MYO5B: variants seen among roughly 807,000 people sequenced by gnomAD.
MYO5B encodes the protein myosin VB, also known as unconventional myosin-Vb.
Under a neutral mutation model 229.3 loss-of-function variants are expected in MYO5B, and 143 were observed. That is an observed-to-expected ratio of 0.62 (90% CI 0.54 to 0.72). MYO5B has a LOEUF of 0.72. MYO5B is among the 30% of genes least tolerant of loss of function. MYO5B has a pLI of 0.00. For synonymous variants in MYO5B, 918 were observed against 885.2 expected (o/e 1.04, Z -0.66); for missense variants, 2,321 against 2,331.0 (o/e 1.00, Z 0.09).
intron 2 of MYO5B, among the ~76,000 whole-genome samples, chr18:50,047,243 G>GA (rs1568085166): frequency 2.7e-5 from 4 of 147,344 alleles, no homozygotes; most frequent in Admixed American, 1.3e-4. Context: ...AAATTTACAA[G>GA]AAAAAAACAA....
chr18:50,148,827 T>C (rs1465755291), intron 1 of MYO5B, among the ~76,000 whole-genome samples: 1 of 152,080 alleles, frequency 6.6e-6, no homozygotes, highest in African/African-American at 2.4e-5. Context: ...TTGGAAGTTC[T>C]AGCCAGGGCA....
At chr18:49,880,223 A>G in intron 23 of MYO5B, 148 bp downstream of exon 23, 1 of 754,116 alleles carries the variant, frequency 1.3e-6, no homozygotes, top group Non-Finnish European at 2.4e-6. Context: ...GGGATCTTAA[A>G]GGTCATTATT....
chr18:49,829,932 A>G (rs2023893444), intron 39 of MYO5B, among the ~76,000 whole-genome samples: 1 of 152,216 alleles, frequency 6.6e-6, no homozygotes, highest in Non-Finnish European at 1.5e-5. Context: ...GATGAAGACC[A>G]TATGTAAAAA....
chr18:50,144,857 C>A (rs1035934012), intron 1 of MYO5B, among the ~76,000 whole-genome samples: 6 of 152,290 alleles, frequency 3.9e-5, no homozygotes, highest in Admixed American at 2.6e-4. Flanking sequence ...CCACCCCTCC[C>A]CCAGATCACT....
intron 22 of MYO5B, among the ~76,000 whole-genome samples, chr18:49,886,101 G>A (rs189495092): frequency 5.7e-4 from 86 of 152,120 alleles, no homozygotes; most frequent in African/African-American, 1.9e-3. Context: ...CAACATGCCC[G>A]GCTAATTTTT....
chr18:49,849,542 AAC>A (rs1245962179), intron 32 of MYO5B, 23 bp downstream of exon 32: 4 of 1,551,340 alleles, frequency 2.6e-6, no homozygotes, highest in Non-Finnish European at 3.6e-6. Context: ...TGATTCACAA[AAC>A]ACACTCACTC....
intron 21 of MYO5B, among the ~76,000 whole-genome samples, chr18:49,899,761 T>C (rs1480978824): frequency 6.6e-6 from 1 of 152,208 alleles, no homozygotes; most frequent in African/African-American, 2.4e-5. Flanking sequence ...ACAGCGTGCC[T>C]AGTCAGGTAG....
At chr18:50,151,972 C>T (rs1286617210) in intron 1 of MYO5B, among the ~76,000 whole-genome samples, 2 of 152,170 alleles carry the variant, frequency 1.3e-5, no homozygotes, top group African/African-American at 4.8e-5. Flanking sequence ...GGGGAACATC[C>T]GCCCCGTTCA....
In MYO5B at chr18:49,960,795, A is replaced by G. The variant is rs539730739; in HGVS notation, c.1545+1471T>C. 3.3e-5 allele frequency among the ~76,000 whole-genome samples: 5 copies of G among 152,340 alleles called. No homozygotes were observed. In the South Asian group the frequency reaches 8.3e-4, roughly 25 times the overall value. On this transcript the variant is annotated intron_variant, in intron 12 of 39. Transcript: ENST00000285039. ...TCTAGCCCCCACCAGCCTGATTGGCAGGAAACCCAGGCTTTCCACAAACCT... is the reference window on the plus strand; with the variant it reads ...TCTAGCCCCCACCAGCCTGATTGGCGGGAAACCCAGGCTTTCCACAAACCT...
At chr18:49,863,135 G>A (rs1466563661) in intron 29 of MYO5B, 92 bp downstream of exon 29, 3 of 925,802 alleles carry the variant, frequency 3.2e-6, no homozygotes, top group African/African-American at 3.2e-5. Flanking sequence ...CTGAGCACAT[G>A]GTCATCACCT....
chr18:49,880,609 G>A (rs1178299246), intron 22 of MYO5B, 154 bp from the exon 23 acceptor site: 4 of 697,188 alleles, frequency 5.7e-6, no homozygotes, highest in Non-Finnish European at 1.0e-5. Context: ...GAAAAATTGT[G>A]TACTGAAAGA....
intron 4 of MYO5B, among the ~76,000 whole-genome samples, chr18:50,016,298 T>C (rs2026214653): frequency 6.6e-6 from 1 of 152,202 alleles, no homozygotes; most frequent in Non-Finnish European, 1.5e-5. Flanking sequence ...GTGAACCCAA[T>C]TCCTAAGGGT....
At chr18:49,954,730 A>G (rs1183168584) in intron 12 of MYO5B, among the ~76,000 whole-genome samples, 1 of 152,200 alleles carries the variant, frequency 6.6e-6, no homozygotes, top group Non-Finnish European at 1.5e-5. Context: ...CCAAGGTCAC[A>G]GGAGCAGAGT....
In MYO5B at chr18:50,083,827, C is replaced by T. The variant is rs1033574718; in HGVS notation, c.28-28449G>A. Among the ~76,000 whole-genome samples, 5 of 152,174 alleles carry T rather than the reference C, an allele frequency of 3.3e-5. No homozygotes were observed. In the East Asian group the frequency reaches 9.6e-4, roughly 29 times the overall value. ...CCTGATACCCAAGATAACCAGGGAT[C>T]TCAAACTCATTCACCCCCAGGCATG... On this transcript the variant is annotated intron_variant, in intron 1 of 39. Transcript: ENST00000285039.
intron 1 of MYO5B, among the ~76,000 whole-genome samples, chr18:50,143,454 G>A (rs1212954067): frequency 6.6e-6 from 1 of 152,156 alleles, no homozygotes; most frequent in South Asian, 2.1e-4. Flanking sequence ...CTCAGCAACC[G>A]CAGCATTCTG....
intron 5 of MYO5B, among the ~76,000 whole-genome samples, chr18:49,999,415 C>T (rs563836141): frequency 6.6e-5 from 10 of 152,332 alleles, no homozygotes; most frequent in Admixed American, 2.0e-4. Flanking sequence ...TGCCTCAGTT[C>T]GGGGCTCAGA....
intron 20 of MYO5B, among the ~76,000 whole-genome samples, chr18:49,904,252 T>C (rs1419728124): frequency 6.6e-6 from 1 of 152,192 alleles, no homozygotes; most frequent in Non-Finnish European, 1.5e-5. Context: ...TCACTGTTAG[T>C]TCTCATTAGA....
rs541048878 is a variant in MYO5B at position 50,177,421 on chromosome 18, G to A, written c.27+17346C>T. On this transcript the variant is annotated intron_variant, in intron 1 of 39. Coordinates refer to ENST00000285039, the MANE Select transcript of MYO5B (RefSeq NM_001080467.3). ...TATGTTTTGGTTTTTATATACTCCCGTCTTTGCCTTCTTCCTCAAACAGCA... is the reference window on the plus strand; with the variant it reads ...TATGTTTTGGTTTTTATATACTCCCATCTTTGCCTTCTTCCTCAAACAGCA... Among the ~76,000 whole-genome samples, 72 of 152,212 alleles carry A rather than the reference G, an allele frequency of 4.7e-4. 1 individual carries two copies. In the South Asian group the frequency reaches 9.5e-3, roughly 20 times the overall value.
intron 23 of MYO5B, 84 bp downstream of exon 23, chr18:49,880,287 C>T: frequency 8.7e-7 from 1 of 1,153,392 alleles, no homozygotes; most frequent in Non-Finnish European, 1.3e-6. Flanking sequence ...AGTCTAACTG[C>T]ATGCTTGCTA....
Sources: gnomAD v4.1 joint callset for allele counts (sites outside exome capture counted in the v4.1 genomes callset) on GRCh38, gnomAD v4.1.1 for gene constraint, MANE v1.5 for transcripts, NCBI Gene and HGNC (gene_info 2026-07-23, HGNC 2026-07-21) for gene names.